ME3: variants seen among roughly 807,000 people sequenced by gnomAD.
ME3 encodes the protein malic enzyme 3, also known as NADP-dependent malic enzyme, mitochondrial.
In ME3, 48 loss-of-function variants were observed where a neutral mutation model predicts 68.9. The ratio of observed to expected loss-of-function variants is 0.70; its 90% CI spans 0.55 to 0.89. ME3 has a LOEUF of 0.89. Ranked by LOEUF, ME3 falls within the 40% of genes least tolerant of loss-of-function variation. ME3 has a pLI of 0.00. For synonymous variants in ME3, 320 were observed against 318.8 expected, an observed-to-expected ratio of 1.00 and a Z score of -0.04; for missense variants, 675 against 797.4, an observed-to-expected ratio of 0.85 and a Z score of 1.85.
intron 2 of ME3, among the ~76,000 whole-genome samples, chr11:86,632,994 G>A (rs1944110907): frequency 6.6e-6 from 1 of 152,180 alleles, no homozygotes; most frequent in South Asian, 2.1e-4. Flanking sequence ...AGCACTGCAC[G>A]GCCCCTGTGC....
At chr11:86,466,280 T>G (rs1950474933) in intron 7 of ME3, among the ~76,000 whole-genome samples, 1 of 152,234 alleles carries the variant, frequency 6.6e-6, no homozygotes, top group Non-Finnish European at 1.5e-5. Context: ...TGTAAGCAAG[T>G]GTAGTATGGA....
chr11:86,515,327 C>G (rs1479254030), intron 4 of ME3, among the ~76,000 whole-genome samples: 1 of 152,164 alleles, frequency 6.6e-6, no homozygotes, highest in African/African-American at 2.4e-5. Context: ...TCATAATGCT[C>G]TTGCAACACT....
chr11:86,527,728 A>G (rs1246257572), intron 4 of ME3, among the ~76,000 whole-genome samples: 1 of 152,252 alleles, frequency 6.6e-6, no homozygotes, highest in African/African-American at 2.4e-5. Context: ...AAGAATTTTC[A>G]AGCCAGAATT....
intron 2 of ME3, among the ~76,000 whole-genome samples, chr11:86,652,554 T>C (rs1223626311): frequency 1.3e-5 from 2 of 152,120 alleles, no homozygotes; most frequent in Non-Finnish European, 1.5e-5. Context: ...TGAGAGATTT[T>C]GTCACCACCA....
At chr11:86,476,308 C>G (rs1036817494) in intron 7 of ME3, among the ~76,000 whole-genome samples, 1 of 152,198 alleles carries the variant, frequency 6.6e-6, no homozygotes, top group Non-Finnish European at 1.5e-5. Context: ...GAAGGCTCTG[C>G]CTCTGTAACA....
chr11:86,627,590 G>A lies in ME3; in HGVS notation c.183+44172C>T, dbSNP rs529258881. ...AAATTACCAAGATTCTGAGAATCATGTACACAACCAATTGGCAAGCACAGT... is the reference window on the plus strand; with the variant it reads ...AAATTACCAAGATTCTGAGAATCATATACACAACCAATTGGCAAGCACAGT... On this transcript the variant is annotated intron_variant, in intron 2 of 14. Coordinates refer to ENST00000543262, the Ensembl canonical transcript of ME3. 6.6e-5 allele frequency among the ~76,000 whole-genome samples: 10 copies of A among 152,280 alleles called. No homozygotes were observed. In the South Asian group the frequency reaches 1.5e-3, roughly 22 times the overall value.
intron 2 of ME3, among the ~76,000 whole-genome samples, chr11:86,629,551 T>G (rs925553127): frequency 1.3e-5 from 2 of 152,160 alleles, no homozygotes; most frequent in African/African-American, 2.4e-5. Context: ...CCTGAGACAC[T>G]GTATGAAGAT....
In ME3 at chr11:86,647,850, A is replaced by C. The variant is rs185003881; in HGVS notation, c.183+23912T>G. Among the ~76,000 whole-genome samples the C allele has an allele frequency of 4.8e-3, 728 of 152,304 alleles. 11 individuals are homozygous for C. The highest frequency in any genetic ancestry group is 0.017 in the African/African-American group (705 of 41,568). On this transcript the variant is annotated intron_variant, in intron 2 of 14. Transcript: ENST00000543262. ...ACTGTCAATATTAGACAGATCAACG[A>C]GACATAAAATCAACAAGGATATTTC... is the stretch of plus-strand genomic sequence containing the variant.
intron 2 of ME3, among the ~76,000 whole-genome samples, chr11:86,637,349 CAAA>C (rs11402713): frequency 2.1e-4 from 26 of 122,048 alleles, no homozygotes; most frequent in South Asian, 1.1e-3. Context: ...ACAAGAAGCA[CAAA>C]AAAAAAAAAA....
intron 4 of ME3, among the ~76,000 whole-genome samples, chr11:86,522,105 C>T (rs894416408): frequency 5.9e-5 from 9 of 152,138 alleles, no homozygotes; most frequent in Non-Finnish European, 1.2e-4. Context: ...CAAAAATTAG[C>T]TGGGTGTGGT....
intron 4 of ME3, among the ~76,000 whole-genome samples, chr11:86,510,189 G>A (rs1953412407): frequency 6.6e-6 from 1 of 152,012 alleles, no homozygotes; most frequent in Non-Finnish European, 1.5e-5. Context: ...AGTATGTCTT[G>A]TCTCAACATC....
intron 2 of ME3, among the ~76,000 whole-genome samples, chr11:86,644,798 C>A (rs541783240): frequency 6.6e-6 from 1 of 152,326 alleles, no homozygotes; most frequent in Admixed American, 6.5e-5. Flanking sequence ...CAGCTCCGGT[C>A]TGCAGCTCCC....
At chr11:86,651,714 C>G (rs957671135) in intron 2 of ME3, among the ~76,000 whole-genome samples, 2 of 152,238 alleles carry the variant, frequency 1.3e-5, no homozygotes, top group African/African-American at 4.8e-5. Context: ...GAACACAGCT[C>G]CTCTCCAGCA....
At chr11:86,622,446 T>C (rs1178103623) in intron 2 of ME3, among the ~76,000 whole-genome samples, 2 of 152,006 alleles carry the variant, frequency 1.3e-5, no homozygotes, top group African/African-American at 2.4e-5. Flanking sequence ...GAATACCTAA[T>C]AGTGTCTGTT....
At chr11:86,600,707 G>T (rs887520106) in intron 2 of ME3, among the ~76,000 whole-genome samples, 3 of 151,812 alleles carry the variant, frequency 2.0e-5, no homozygotes, top group African/African-American at 7.3e-5. Flanking sequence ...TGGAAGTAAA[G>T]CTCTCCTCAG....
rs947747465 is a variant in ME3, at chr11:86,457,548, A to G, written c.920-7150T>C. 6.0e-6 allele frequency: 7 copies of G among 1,158,762 alleles called. No individual in the cohort carries two copies. In the African/African-American group the frequency reaches 1.1e-4, roughly 19 times the overall value. 71.8% of individuals were successfully genotyped at this position (1,158,762 alleles called of 1,614,324 possible). A position where few individuals can be genotyped will look rare whatever the true frequency, so the allele number is the denominator to read the frequency against. ...GAAAAACAGTGGTTCTTAAGCTCCA[A>G]ATTACAAAATTTGGCAAATAAAGTT... On this transcript the variant is annotated intron_variant, in intron 8 of 14. Coordinates refer to ENST00000543262, the Ensembl canonical transcript of ME3.
chr11:86,514,228 T>C (rs1283328205), intron 4 of ME3, among the ~76,000 whole-genome samples: 2 of 152,170 alleles, frequency 1.3e-5, no homozygotes, highest in Non-Finnish European at 2.9e-5. Flanking sequence ...TCCCCAGCCA[T>C]GTGGAACTGC....
chr11:86,633,322 C>T (rs1408948106), intron 2 of ME3, among the ~76,000 whole-genome samples: 1 of 152,184 alleles, frequency 6.6e-6, no homozygotes, highest in East Asian at 1.9e-4. Flanking sequence ...CTCATACAGC[C>T]ACATGAGGGG....
intron 7 of ME3, among the ~76,000 whole-genome samples, chr11:86,480,798 G>GT (rs1262743312): frequency 6.6e-6 from 1 of 152,236 alleles, no homozygotes. Context: ...TGCTTGGGAA[G>GT]TTTCCAGACT....
Sources: gnomAD v4.1 joint callset for allele counts (sites outside exome capture counted in the v4.1 genomes callset) on GRCh38, gnomAD v4.1.1 for gene constraint, MANE v1.5 for transcripts, NCBI Gene and HGNC (gene_info 2026-07-23, HGNC 2026-07-21) for gene names.